STARD9: variants seen among roughly 807,000 people sequenced by gnomAD.
The protein encoded by STARD9 is stAR-related lipid transfer protein 9.
In STARD9, 346 loss-of-function variants were observed where a neutral mutation model predicts 399.8. The observed-to-expected ratio is 0.87, with a 90% CI of 0.79 to 0.95. The LOEUF is 0.95. Ranked by LOEUF, STARD9 falls within the 40% of genes least tolerant of loss-of-function variation. The pLI, the probability that STARD9 is intolerant of heterozygous loss-of-function variation, is 0.00. For missense variants in STARD9, 5,832 were observed against 5,667.5 expected (o/e 1.03, Z -0.93); for synonymous variants, 2,203 against 2,143.5 (o/e 1.03, Z -0.77).
In STARD9 at chr15:42,682,463, G is replaced by T; in HGVS notation, c.2425G>T (p.Val809Phe). 3 of 1,537,154 alleles carry T rather than the reference G, an allele frequency of 2.0e-6. No homozygotes were observed. The highest frequency in any genetic ancestry group is 2.6e-6 in the Non-Finnish European group (3 of 1,146,888). ...CAGCACCCAGGAGCCCCCATACCAGGTCCTCAGCCCTGATGCCACAGTCCC... is the reference window on the plus strand; with the variant it reads ...CAGCACCCAGGAGCCCCCATACCAGTTCCTCAGCCCTGATGCCACAGTCCC... ...DDSTQEPPYQ[V>F]LSPDATVPRP... The change falls in exon 22 of 33, where the codon GTC becomes TTC. Residue 809 changes from valine (V) to phenylalanine (F), a missense_variant. Around this residue, in one of 2 missense-constraint regions of STARD9, gnomAD observed 5,828 missense variants for 5,651.1 expected, o/e 1.03. Transcript: ENST00000290607.
intron 3 of STARD9, among the ~76,000 whole-genome samples, chr15:42,590,222 C>G (rs548578798): frequency 6.6e-6 from 1 of 152,046 alleles, no homozygotes; most frequent in African/African-American, 2.4e-5. Context: ...CTTGGCCTCT[C>G]AAAGTGCTGG....
chr15:42,689,319 T>C lies in STARD9; in HGVS notation c.7741T>C (p.Leu2581=). Residue 2581 remains leucine, a synonymous_variant, in exon 23 of 33, where the codon TTA becomes CTA. Coordinates refer to ENST00000290607, the MANE Select transcript of STARD9 (RefSeq NM_020759.3). ...RGTVLSYCET[L]LEPECSSRVA... is the part of the protein sequence containing the mutation. The stretch of plus-strand genomic sequence containing the variant: ...CACAGTCCTTTCTTACTGTGAAACT[T>C]TACTAGAACCCGAATGTTCTTCAAG... 1 of 1,537,212 alleles carries C rather than the reference T, an allele frequency of 6.5e-7. No individual in the cohort carries two copies. The highest frequency in any genetic ancestry group is 1.2e-5 in the South Asian group (1 of 84,058).
In STARD9 at chr15:42,687,579, C is replaced by A. The variant is rs903345509; in HGVS notation, c.6001C>A (p.Pro2001Thr). The change falls in exon 23 of 33, where the codon CCT (proline) becomes ACT (threonine). Residue 2001 changes from proline to threonine, a missense_variant. Physicochemically the swap from Pro to Thr is conservative, Grantham distance 38. This residue lies in a region of STARD9 where 5,828 missense variants were observed against 5,651.1 expected (regional missense o/e 1.03). Coordinates refer to ENST00000290607, the MANE Select transcript of STARD9 (RefSeq NM_020759.3). ...AGAGTTTAAGCTTCCAGGTACAAAG[C>A]CTGCATATGAAAGGTTCCAGTTAGT... Reference protein sequence around the residue: ...SEEFKLPGTKPAYERFQLVAC... With the variant: ...SEEFKLPGTKTAYERFQLVAC... The A allele has an allele frequency of 3.9e-6, 6 of 1,536,894 alleles. No individual in the cohort carries two copies. In the African/African-American group the frequency reaches 6.8e-5, roughly 18 times the overall value.
intron 1 of STARD9, 32 bp from the exon 2 acceptor site, chr15:42,583,314 A>T: frequency 2.0e-6 from 3 of 1,501,630 alleles, no homozygotes; most frequent in Non-Finnish European, 2.7e-6. Flanking sequence ...TTTAAAAACA[A>T]CATTTCTTCT....
In STARD9 at chr15:42,690,649, G is replaced by T. The variant is rs1429190350; in HGVS notation, c.9071G>T (p.Gly3024Val). ...SRGPDVHLTH[G>V]LEPKDVNREF... is the part of the protein sequence containing the mutation. The stretch of plus-strand genomic sequence containing the variant: ...GGACCTGATGTGCACTTGACACATG[G>T]CCTTGAGCCCAAAGATGTTAACAGG... Residue 3024 changes from glycine (G) to valine (V), a missense_variant, in exon 23 of 33, where the codon GGC (glycine) becomes GTC (valine). Gly to Val is a moderately radical substitution (Grantham distance 109, BLOSUM62 -3). This residue lies in a region of STARD9 where 5,828 missense variants were observed against 5,651.1 expected (regional missense o/e 1.03). Coordinates refer to ENST00000290607, the MANE Select transcript of STARD9 (RefSeq NM_020759.3). 1.3e-6 allele frequency: 2 copies of T among 1,537,222 alleles called. No individual in the cohort carries two copies. The highest frequency in any genetic ancestry group is 1.7e-6 in the Non-Finnish European group (2 of 1,146,890).
rs2060443121 is a variant in STARD9, at chr15:42,682,114, T to A, written c.2076T>A (p.Cys692Ter). 6.5e-7 allele frequency: 1 copy of A among 1,536,146 alleles called. No individual in the cohort carries two copies. Among genetic ancestry groups the A allele is most frequent in the Non-Finnish European group, 8.7e-7 (1 of 1,146,256 alleles). The change falls in exon 22 of 33, where the codon TGT becomes TGA. Residue 692 changes from cysteine (C) to a stop codon, truncating the protein, a stop_gained. Coordinates refer to ENST00000290607, the MANE Select transcript of STARD9 (RefSeq NM_020759.3). LOFTEE classifies it high-confidence loss of function. ...ISQQIKENQQ[C>*]LLREETWLAS... Reference sequence around the variant, plus strand: ...GTTTTTGGTTCCCAGACCAGCAGTGTCTGCTCAGAGAAGAGACCTGGCTGG... The same window carrying A: ...GTTTTTGGTTCCCAGACCAGCAGTGACTGCTCAGAGAAGAGACCTGGCTGG...
In STARD9 at chr15:42,691,416, A is replaced by G. The variant is rs1595784581; in HGVS notation, c.9838A>G (p.Thr3280Ala). 6.5e-7 allele frequency: 1 copy of G among 1,537,226 alleles called. No individual in the cohort carries two copies. The highest frequency in any genetic ancestry group is 1.7e-4 in the Middle Eastern group (1 of 5,990). ...CACTGTGTCCTTGAGGCAAAATGAA[A>G]CACCGCAGCCTGCTGCTCAGAGGAG... is the stretch of plus-strand genomic sequence containing the variant. ...PATVSLRQNE[T>A]PQPAAQRSGH... Residue 3280 changes from threonine (T) to alanine (A), a missense_variant, in exon 23 of 33, where the codon ACA becomes GCA. Around this residue, in one of 2 missense-constraint regions of STARD9, gnomAD observed 5,828 missense variants for 5,651.1 expected, o/e 1.03. Coordinates refer to ENST00000290607, the MANE Select transcript of STARD9 (RefSeq NM_020759.3).
At chr15:42,635,260 CAAA>C (rs199906714) in intron 4 of STARD9, among the ~76,000 whole-genome samples, 1 of 99,940 alleles carries the variant, frequency 1.0e-5, no homozygotes. Flanking sequence ...AACTCCATCT[CAAA>C]AAAAAAAAAA....
intron 3 of STARD9, among the ~76,000 whole-genome samples, chr15:42,613,970 G>GA (rs796629655): frequency 6.9e-5 from 10 of 145,018 alleles, no homozygotes; most frequent in East Asian, 2.0e-4. Context: ...ATCTCGGAAA[G>GA]AAAAAAAAAA....
In STARD9 at chr15:42,665,766, A is replaced by G; in HGVS notation, c.1255-20A>G. 6.5e-7 allele frequency: 1 copy of G among 1,536,198 alleles called. No individual in the cohort carries two copies. Among genetic ancestry groups the G allele is most frequent in the Non-Finnish European group, 8.7e-7 (1 of 1,145,912 alleles). ...GTTCAGACCAGGAAAATATCAAAGC[A>G]CATCTCTATCTTTGTGCAGAGAAAC... is the stretch of plus-strand genomic sequence containing the variant. On this transcript the variant is annotated intron_variant, in intron 14 of 32. Coordinates refer to ENST00000290607, the MANE Select transcript of STARD9 (RefSeq NM_020759.3).
chr15:42,585,421 A>T (rs868675135), intron 2 of STARD9, 100 bp from the exon 3 acceptor site: 2 of 656,196 alleles, frequency 3.0e-6, no homozygotes, highest in Middle Eastern at 4.9e-4. Flanking sequence ...TCTCATGACC[A>T]GTCCAAGTCT....
intron 13 of STARD9, 54 bp downstream of exon 13, chr15:42,663,971 A>G: frequency 4.9e-6 from 6 of 1,216,860 alleles, no homozygotes; most frequent in Non-Finnish European, 7.0e-6. Context: ...AGCTTTCCTT[A>G]TTTTTTTTTC....
intron 3 of STARD9, among the ~76,000 whole-genome samples, chr15:42,619,440 C>T (rs1030193028): frequency 4.0e-5 from 6 of 151,692 alleles, no homozygotes; most frequent in African/African-American, 1.5e-4. Flanking sequence ...TGGCACACAT[C>T]TGTAGTCCCA....
intron 3 of STARD9, among the ~76,000 whole-genome samples, chr15:42,599,336 A>G (rs772726863): frequency 1.3e-5 from 2 of 152,286 alleles, no homozygotes; most frequent in African/African-American, 2.4e-5. Context: ...TTGTTTCACT[A>G]CTTTTTAATA....
intron 3 of STARD9, among the ~76,000 whole-genome samples, chr15:42,587,559 G>T (rs11070376): frequency 0.88 from 134,470 of 152,072 alleles, 59,523 homozygotes; most frequent in East Asian, 1. Flanking sequence ...CTTGATTTAT[G>T]TATTTATTTA....
intron 7 of STARD9, among the ~76,000 whole-genome samples, chr15:42,640,268 G>A (rs1430166534): frequency 1.3e-5 from 2 of 152,154 alleles, no homozygotes; most frequent in Non-Finnish European, 2.9e-5. Context: ...AACATCAAGA[G>A]CCGGTCTTTT....
At chr15:42,715,886 G>C (rs1331374575) in intron 26 of STARD9, among the ~76,000 whole-genome samples, 1 of 152,170 alleles carries the variant, frequency 6.6e-6, no homozygotes, top group Non-Finnish European at 1.5e-5. Context: ...GGGGCAACAA[G>C]TGAAGAGACT....
rs532034009 is a variant in STARD9, at chr15:42,645,179, G to A, written c.560-5837G>A. 5.9e-5 allele frequency among the ~76,000 whole-genome samples: 9 copies of A among 152,228 alleles called. No individual in the cohort carries two copies. The East Asian group carries it at 9.7e-4, about 16-fold the overall frequency. ...GAATGTCCTTAATGCCATCTAAAAC[G>A]GTGAATTCTTTCTGGAAAGTTTTCA... On this transcript the variant is annotated intron_variant, in intron 7 of 32. Coordinates refer to ENST00000290607, the MANE Select transcript of STARD9 (RefSeq NM_020759.3).
At chr15:42,600,903 T>G (rs2058608933) in intron 3 of STARD9, among the ~76,000 whole-genome samples, 1 of 149,294 alleles carries the variant, frequency 6.7e-6, no homozygotes, top group South Asian at 2.1e-4. Context: ...CATTCTTGGG[T>G]GTTTCTCGGA....
Sources: allele counts gnomAD v4.1 joint callset (sites outside exome capture counted in the v4.1 genomes callset), GRCh38; gene constraint gnomAD v4.1.1; regional missense constraint gnomAD v4.1.1; transcripts MANE v1.5; gene names NCBI Gene and HGNC (gene_info 2026-07-23, HGNC 2026-07-21).